The following SETDB1 variants were observed in gnomAD, a reference collection of about 807,000 sequenced individuals.
SETDB1 encodes histone-lysine N-methyltransferase SETDB1.
A neutral mutation model predicts 137.4 loss-of-function variants in SETDB1; 31 were observed. That is an observed-to-expected ratio of 0.23 (90% CI 0.17 to 0.30). The LOEUF is 0.30. Among genes scored for constraint, SETDB1 ranks in the 10% least tolerant of loss-of-function variants. SETDB1 has a pLI of 1.00. For synonymous variants in SETDB1, 548 were observed against 579.9 expected, an observed-to-expected ratio of 0.95 and a Z score of 0.79; for missense variants, 1,113 against 1,631.5, an observed-to-expected ratio of 0.68 and a Z score of 5.47.
chr1:150,944,969 A>G lies in SETDB1; in HGVS notation c.1001A>G (p.Glu334Gly), dbSNP rs1414153920. The change falls in exon 9 of 22, where the codon GAG becomes GGG. Residue 334 changes from glutamate (E) to glycine (G), a missense_variant. By Grantham distance (98) the Glu-to-Gly change is moderately conservative (BLOSUM62 -2). This residue lies in a region of SETDB1 where 154 missense variants were observed against 303.1 expected (regional missense o/e 0.51). Transcript: ENST00000692827. ...IEDISCRDFI[E>G]EYVTAYPNRP... ...GACATCTCCTGCCGTGACTTCATAGAGGAGTATGTCACTGCCTACCCCAAC... is the reference window on the plus strand; with the variant it reads ...GACATCTCCTGCCGTGACTTCATAGGGGAGTATGTCACTGCCTACCCCAAC... 1 of 1,614,006 alleles carries G rather than the reference A, an allele frequency of 6.2e-7. No homozygotes were observed. Among genetic ancestry groups the G allele is most frequent in the South Asian group, 1.1e-5 (1 of 91,088 alleles).
chr1:150,959,715 G>A (rs1185280142), intron 15 of SETDB1, among the ~76,000 whole-genome samples: 1 of 152,206 alleles, frequency 6.6e-6, no homozygotes, highest in African/African-American at 2.4e-5. Context: ...GAAAGGGCAA[G>A]ATTTAAAATG....
chr1:150,958,468 T>A (rs1011337478), intron 14 of SETDB1, among the ~76,000 whole-genome samples: 3 of 151,894 alleles, frequency 2.0e-5, no homozygotes, highest in African/African-American at 7.2e-5. Flanking sequence ...GCCAGGATGG[T>A]CTCACTCTCC....
intron 2 of SETDB1, among the ~76,000 whole-genome samples, chr1:150,928,560 C>T (rs909666595): frequency 6.6e-6 from 1 of 152,142 alleles, no homozygotes; most frequent in Non-Finnish European, 1.5e-5. Context: ...TTAGTAAGTT[C>T]CCATACCCCC....
chr1:150,940,038 C>G (rs916237442), intron 4 of SETDB1, 64 bp downstream of exon 4: 6 of 1,325,880 alleles, frequency 4.5e-6, no homozygotes, highest in Non-Finnish European at 6.5e-6. Context: ...ATTTTTTGGC[C>G]TAACCATTTA....
intron 12 of SETDB1, among the ~76,000 whole-genome samples, chr1:150,949,932 C>T (rs1423150064): frequency 6.6e-6 from 1 of 152,128 alleles, no homozygotes; most frequent in Non-Finnish European, 1.5e-5. Flanking sequence ...AAAAGGTATA[C>T]TGTTGAAATA....
chr1:150,962,855 T>C, intron 18 of SETDB1, 119 bp from the exon 19 acceptor site: 2 of 1,458,604 alleles, frequency 1.4e-6, no homozygotes, highest in South Asian at 1.3e-5. Flanking sequence ...TTTTCTTTCA[T>C]CCAGCATCTA....
At chr1:150,932,742 G>A (rs974967614) in intron 3 of SETDB1, among the ~76,000 whole-genome samples, 1 of 151,996 alleles carries the variant, frequency 6.6e-6, no homozygotes, top group Non-Finnish European at 1.5e-5. Flanking sequence ...CTCTCAAAGT[G>A]GAAGCTTACA....
intron 9 of SETDB1, chr1:150,945,350 T>C: frequency 7.2e-7 from 1 of 1,379,464 alleles, no homozygotes; most frequent in Non-Finnish European, 9.5e-7. Flanking sequence ...TTTATTTTTT[T>C]TCTTTAGGAG....
At position 150,942,990 on chromosome 1, in the gene SETDB1, G is replaced by T; in HGVS notation, c.812G>T (p.Gly271Val). 1.9e-6 allele frequency: 3 copies of T among 1,614,032 alleles called. No homozygotes were observed. The highest frequency in any genetic ancestry group is 2.5e-6 in the Non-Finnish European group (3 of 1,179,968). Reference sequence around the variant, plus strand: ...CGGGTGGTCGCCAAATACAAAGATGGGAATCAGGTCTGGCTCTATGCTGGC... The same window carrying T: ...CGGGTGGTCGCCAAATACAAAGATGTGAATCAGGTCTGGCTCTATGCTGGC... ...GSRVVAKYKD[G>V]NQVWLYAGIV... Residue 271 changes from glycine (G) to valine (V), a missense_variant, in exon 7 of 22, where the codon GGG becomes GTG. By Grantham distance (109) the Gly-to-Val change is moderately radical. Around this residue, in one of 11 missense-constraint regions of SETDB1, gnomAD observed 154 missense variants for 303.1 expected, o/e 0.51. Transcript: ENST00000692827.
Position 150,945,155 on chromosome 1 carries a change from G to A in SETDB1, c.1140+47G>A, listed in dbSNP as rs190944438. 1.3e-4 allele frequency: 202 copies of A among 1,610,336 alleles called. 1 individual carries two copies. The East Asian group carries it at 1.9e-3, about 15-fold the overall frequency. Reference sequence around the variant, plus strand: ...TTGGAGGCAGAGGTTGGTGGGGGGGGAACTTAAGAAGCAGTAATGAGGATG... The same window carrying A: ...TTGGAGGCAGAGGTTGGTGGGGGGGAAACTTAAGAAGCAGTAATGAGGATG... On this transcript the variant is annotated intron_variant, in intron 9 of 21. Transcript: ENST00000692827.
intron 3 of SETDB1, among the ~76,000 whole-genome samples, chr1:150,937,019 G>T (rs926808226): frequency 7.9e-5 from 12 of 152,096 alleles, no homozygotes; most frequent in African/African-American, 2.9e-4. Context: ...CAGCTACTGG[G>T]GAGGCAGCGG....
At chr1:150,956,668 G>A (rs775494382) in intron 14 of SETDB1, among the ~76,000 whole-genome samples, 21 of 151,934 alleles carry the variant, frequency 1.4e-4, no homozygotes, top group Non-Finnish European at 2.2e-4. Context: ...ATAGACTTAC[G>A]TGTACTTTCC....
intron 9 of SETDB1, 159 bp downstream of exon 9, chr1:150,945,267 G>A: frequency 1.4e-6 from 2 of 1,461,994 alleles, no homozygotes; most frequent in East Asian, 2.5e-5. Flanking sequence ...TGCCCTTTTT[G>A]TTGTTCCTCT....
chr1:150,959,093 T>C (rs1005506837), intron 14 of SETDB1, 85 bp from the exon 15 acceptor site: 4 of 949,828 alleles, frequency 4.2e-6, no homozygotes, highest in African/African-American at 1.7e-5. Flanking sequence ...TAAATGATGA[T>C]AGCTTAAGAA....
intron 10 of SETDB1, among the ~76,000 whole-genome samples, chr1:150,948,068 TA>T (rs879688104): frequency 1.4e-3 from 196 of 143,560 alleles, no homozygotes; most frequent in Middle Eastern, 7.1e-3. Context: ...TCTTATCTCT[TA>T]AAAAAAAAAA....
chr1:150,927,389 G>A lies in SETDB1; in HGVS notation c.-11-315G>A, dbSNP rs12080804. On this transcript the variant is annotated intron_variant, in intron 1 of 21. Transcript: ENST00000692827. ...GACCCTCCTGCCTCGGCCTCTAAAA[G>A]TGCTGAGATTACAGGTGTAAGCCAC... Among the ~76,000 whole-genome samples, 248 of 152,278 alleles carry A rather than the reference G, an allele frequency of 1.6e-3. 1 individual carries two copies. Among genetic ancestry groups the A allele is most frequent in the African/African-American group, 5.7e-3 (238 of 41,550 alleles).
chr1:150,942,907 G>A lies in SETDB1; in HGVS notation c.729G>A (p.Ser243=). ...ACAACAAAGGAAAGAGTCTACTGTCGGGGAACCATATTGCCTATGATTACC... is the reference window on the plus strand; with the variant it reads ...ACAACAAAGGAAAGAGTCTACTGTCAGGGAACCATATTGCCTATGATTACC... ...KFDNKGKSLL[S]GNHIAYDYHP... is the part of the protein sequence containing the mutation. The change falls in exon 7 of 22, where the codon TCG becomes TCA. Residue 243 remains serine (S), a synonymous_variant. Transcript: ENST00000692827. 1.2e-6 allele frequency: 2 copies of A among 1,614,094 alleles called. No individual in the cohort carries two copies. Among genetic ancestry groups the A allele is most frequent in the Non-Finnish European group, 1.7e-6 (2 of 1,179,980 alleles).
At position 150,959,334 on chromosome 1, in the gene SETDB1, T is replaced by G; in HGVS notation, c.2490T>G (p.Val830=). 6.2e-7 allele frequency: 1 copy of G among 1,604,900 alleles called. No homozygotes were observed. The highest frequency in any genetic ancestry group is 1.1e-5 in the South Asian group (1 of 88,854). The part of the protein sequence containing the change: ...CLDDIAKGSF[V]CIYAGKILTD... ...ATGACATTGCCAAAGGCTCTTTTGT[T>G]TGTATTTATGCAGGTTGGTGATAAA... Residue 830 remains valine, a synonymous_variant, in exon 15 of 22, where the codon GTT becomes GTG. Coordinates refer to ENST00000692827, the MANE Select transcript of SETDB1 (RefSeq NM_001366418.1).
At chr1:150,955,626 TTC>T (rs1670613476) in intron 14 of SETDB1, among the ~76,000 whole-genome samples, 1 of 152,270 alleles carries the variant, frequency 6.6e-6, no homozygotes, top group Non-Finnish European at 1.5e-5. Context: ...ACTCCCTTAA[TTC>T]TCTCATTGAG....
Sources: allele counts gnomAD v4.1 joint callset (sites outside exome capture counted in the v4.1 genomes callset), GRCh38; gene constraint gnomAD v4.1.1; regional missense constraint gnomAD v4.1.1; transcripts MANE v1.5; gene names NCBI Gene and HGNC (gene_info 2026-07-23, HGNC 2026-07-21).